Variants in LYPLAL1 observed in about 807,000 individuals in gnomAD.
LYPLAL1 encodes the protein lysophospholipase like 1, also known as lysophospholipase-like protein 1.
Under a neutral mutation model 19.7 loss-of-function variants are expected in LYPLAL1, and 23 were observed. The ratio of observed to expected loss-of-function variants is 1.17; its 90% CI spans 0.84 to 1.65. LYPLAL1 has a LOEUF of 1.65. Ranked by LOEUF, LYPLAL1 falls within the 40% of genes most tolerant of loss-of-function variation. The pLI, the probability that LYPLAL1 is intolerant of heterozygous loss-of-function variation, is 0.00. For missense variants in LYPLAL1, 355 were observed against 279.4 expected, an observed-to-expected ratio of 1.27 and a Z score of -1.93; for synonymous variants, 119 against 96.3, an observed-to-expected ratio of 1.24 and a Z score of -1.38.
the LYPLAL1 span, among the ~76,000 whole-genome samples, chr1:219,329,925 T>G: frequency 6.6e-6 from 1 of 152,100 alleles, no homozygotes; most frequent in Non-Finnish European, 1.5e-5. Context: ...GATTTATGAC[T>G]GTATCTTTTG....
At chr1:219,193,918 T>G (rs578183600) in intron 3 of LYPLAL1, among the ~76,000 whole-genome samples, 1 of 152,076 alleles carries the variant, frequency 6.6e-6, no homozygotes, top group African/African-American at 2.4e-5. Context: ...TAACTTACAA[T>G]GAGTTGTATT....
the LYPLAL1 span, among the ~76,000 whole-genome samples, chr1:219,329,289 A>T: frequency 6.6e-6 from 1 of 152,184 alleles, no homozygotes; most frequent in African/African-American, 2.4e-5. Flanking sequence ...TAAAATCATA[A>T]ATATGAAAAG....
At chr1:219,297,577 C>T in the LYPLAL1 span, among the ~76,000 whole-genome samples, 49 of 152,260 alleles carry the variant, frequency 3.2e-4, no homozygotes, top group African/African-American at 1.2e-3. Context: ...ATGGGTAAGG[C>T]TTCTGAATGT....
At chr1:219,390,303 C>T in the LYPLAL1 span, among the ~76,000 whole-genome samples, 1 of 152,196 alleles carries the variant, frequency 6.6e-6, no homozygotes, top group Admixed American at 6.5e-5. Context: ...AGGAGGGGCT[C>T]TCTCTGGAAG....
At chr1:219,406,783 GA>G in the LYPLAL1 span, among the ~76,000 whole-genome samples, 74,533 of 151,652 alleles carry the variant, frequency 0.49, 18,688 homozygotes, top group Middle Eastern at 0.63. Context: ...ATCATAAATA[GA>G]AAAAAAAACC....
chr1:219,241,098 A>ATCTCTCTCTCTCTCTCTC, the LYPLAL1 span, among the ~76,000 whole-genome samples: 5 of 59,232 alleles, frequency 8.4e-5, no homozygotes, highest in Non-Finnish European at 1.2e-4. Context: ...AATATATATA[A>ATCTCTCTCTCTCTCTCTC]TCTCTCTCTC....
At chr1:219,174,389 T>A in intron 1 of LYPLAL1, 1 of 694,874 alleles carries the variant, frequency 1.4e-6, no homozygotes, top group Non-Finnish European at 1.8e-6. Context: ...CCCATTGCTT[T>A]TTCCAGGCTC....
At chr1:219,230,634 A>G in the LYPLAL1 span, among the ~76,000 whole-genome samples, 18 of 152,204 alleles carry the variant, frequency 1.2e-4, no homozygotes, top group Non-Finnish European at 2.1e-4. Context: ...TTAGCAGACA[A>G]CCTCCTATCC....
chr1:219,182,714 A>G (rs1395414841), intron 2 of LYPLAL1, among the ~76,000 whole-genome samples: 1 of 151,982 alleles, frequency 6.6e-6, no homozygotes, highest in Non-Finnish European at 1.5e-5. Flanking sequence ...TTCTTTCACC[A>G]CTTGTAAACC....
At chr1:219,183,838 G>A (rs1023677386) in intron 2 of LYPLAL1, among the ~76,000 whole-genome samples, 6 of 151,772 alleles carry the variant, frequency 4.0e-5, no homozygotes, top group Non-Finnish European at 5.9e-5. Flanking sequence ...GTTGTTGCAC[G>A]TTTGGATCAT....
intron 2 of LYPLAL1, among the ~76,000 whole-genome samples, chr1:219,192,793 A>G (rs773434162): frequency 2.6e-5 from 4 of 151,742 alleles, no homozygotes; most frequent in East Asian, 1.9e-4. Flanking sequence ...TGAATATACA[A>G]TGAATGGATT....
At chr1:219,246,121 G>C in the LYPLAL1 span, among the ~76,000 whole-genome samples, 1 of 152,016 alleles carries the variant, frequency 6.6e-6, no homozygotes, top group African/African-American at 2.4e-5. Flanking sequence ...TAGCAATCCT[G>C]GTTTTGTGCC....
chr1:219,318,051 C>A, the LYPLAL1 span, among the ~76,000 whole-genome samples: 7 of 152,240 alleles, frequency 4.6e-5, no homozygotes, highest in East Asian at 1.4e-3. Context: ...TTGGATTGTG[C>A]AAGCCTTTGG....
chr1:219,315,564 GA>G, the LYPLAL1 span, among the ~76,000 whole-genome samples: 10 of 152,120 alleles, frequency 6.6e-5, no homozygotes, highest in South Asian at 1.9e-3. Flanking sequence ...AAATTAGGAG[GA>G]AAAAAAGTTC....
At chr1:219,352,592 A>G in the LYPLAL1 span, among the ~76,000 whole-genome samples, 1 of 152,182 alleles carries the variant, frequency 6.6e-6, no homozygotes, top group African/African-American at 2.4e-5. Flanking sequence ...ATATGAAAAC[A>G]TTAAGAATAT....
the LYPLAL1 span, among the ~76,000 whole-genome samples, chr1:219,427,654 A>G: frequency 6.6e-6 from 1 of 152,028 alleles, no homozygotes; most frequent in South Asian, 2.1e-4. Context: ...GACCTCATCA[A>G]CCTCCAAGCT....
At chr1:219,356,233 GGCTCAT>G in the LYPLAL1 span, among the ~76,000 whole-genome samples, 1 of 152,188 alleles carries the variant, frequency 6.6e-6, no homozygotes, top group South Asian at 2.1e-4. Flanking sequence ...CAGGCATGGT[GGCTCAT>G]GCCTGTAATC....
the LYPLAL1 span, among the ~76,000 whole-genome samples, chr1:219,237,385 CTG>C: frequency 2.6e-5 from 4 of 152,174 alleles, no homozygotes; most frequent in Non-Finnish European, 4.4e-5. Context: ...GACTCAGACT[CTG>C]TGTGTGGGAG....
the LYPLAL1 span, among the ~76,000 whole-genome samples, chr1:219,236,244 T>C: frequency 1.3e-5 from 2 of 152,206 alleles, no homozygotes; most frequent in African/African-American, 2.4e-5. Flanking sequence ...ATGTGGTTTC[T>C]TGCGGAAGAG....
Sources: allele counts gnomAD v4.1 joint callset (sites outside exome capture counted in the v4.1 genomes callset), GRCh38; gene constraint gnomAD v4.1.1; transcripts MANE v1.5; gene names NCBI Gene and HGNC (gene_info 2026-07-23, HGNC 2026-07-21).